The following OR1J2 variants were observed in gnomAD, a reference collection of about 807,000 sequenced individuals.
The protein encoded by OR1J2 is olfactory receptor family 1 subfamily J member 2, also known as olfactory receptor 1J2.
For synonymous variants in OR1J2, 142 were observed against 99.7 expected, an observed-to-expected ratio of 1.42 and a Z score of -2.52; for missense variants, 304 against 246.1, an observed-to-expected ratio of 1.24 and a Z score of -1.57.
chr9:122,454,516 TA>T, the OR1J2 span, among the ~76,000 whole-genome samples: 240 of 144,558 alleles, frequency 1.7e-3, no homozygotes, highest in Middle Eastern at 3.6e-3. Context: ...AGACTCGATC[TA>T]AAAAAAAAAA....
At chr9:122,546,443 G>A in the OR1J2 span, among the ~76,000 whole-genome samples, 1 of 152,150 alleles carries the variant, frequency 6.6e-6, no homozygotes, top group African/African-American at 2.4e-5. Flanking sequence ...TGGTCTCTTA[G>A]AACGTTTGCT....
chr9:122,475,352 C>G, the OR1J2 span, among the ~76,000 whole-genome samples: 17 of 152,192 alleles, frequency 1.1e-4, no homozygotes, highest in African/African-American at 4.1e-4. Context: ...TTGTCTTTAT[C>G]TCTCTCCCGC....
the OR1J2 span, chr9:122,520,049 A>T: frequency 6.2e-7 from 1 of 1,613,322 alleles, no homozygotes; most frequent in Non-Finnish European, 8.5e-7. Flanking sequence ...CCCTGGAGAG[A>T]CTCTTCAACA....
chr9:122,532,418 C>T, the OR1J2 span, among the ~76,000 whole-genome samples: 1 of 151,890 alleles, frequency 6.6e-6, no homozygotes, highest in Non-Finnish European at 1.5e-5. Context: ...GGGTGAGAAA[C>T]AGGGAAGAAG....
the OR1J2 span, among the ~76,000 whole-genome samples, chr9:122,570,592 G>T: frequency 1.3e-5 from 2 of 152,164 alleles, no homozygotes; most frequent in Admixed American, 1.3e-4. Context: ...CTTAAAAGAG[G>T]GACAAGGATA....
chr9:122,529,526 A>G, the OR1J2 span, among the ~76,000 whole-genome samples: 2 of 152,252 alleles, frequency 1.3e-5, no homozygotes, highest in Admixed American at 1.3e-4. Flanking sequence ...TCCTCAAAAA[A>G]GGGTCCAAAG....
the OR1J2 span, among the ~76,000 whole-genome samples, chr9:122,563,524 A>G: frequency 6.6e-6 from 1 of 152,198 alleles, no homozygotes; most frequent in African/African-American, 2.4e-5. Context: ...CTCTTGACAG[A>G]TGCATAGTTT....
the OR1J2 span, among the ~76,000 whole-genome samples, chr9:122,484,078 CTG>C: frequency 6.6e-6 from 1 of 152,126 alleles, no homozygotes; most frequent in Non-Finnish European, 1.5e-5. Context: ...GTGCCTTCCT[CTG>C]TTTTTCTCCA....
chr9:122,553,315 T>C, the OR1J2 span: 1 of 1,613,950 alleles, frequency 6.2e-7, no homozygotes, highest in Non-Finnish European at 8.5e-7. Context: ...GGCATCTTCC[T>C]TGGCATGTAC....
chr9:122,529,259 T>C, the OR1J2 span, among the ~76,000 whole-genome samples: 3 of 127,574 alleles, frequency 2.4e-5, no homozygotes, highest in African/African-American at 6.7e-5. Flanking sequence ...GATCCTCTTA[T>C]GATTCAGCTG....
chr9:122,527,267 T>C, the OR1J2 span: 7 of 1,610,780 alleles, frequency 4.3e-6, no homozygotes, highest in Non-Finnish European at 5.9e-6. Flanking sequence ...GGAGGAAAAA[T>C]TCAGAAATGC....
At chr9:122,513,548 T>A (rs1319822594), downstream of OR1J2, among the ~76,000 whole-genome samples, 1 of 152,116 alleles carries the variant, frequency 6.6e-6, no homozygotes, top group Non-Finnish European at 1.5e-5. Flanking sequence ...TATTTTACTT[T>A]AAGTTCTGGG....
At chr9:122,537,375 G>A in the OR1J2 span, among the ~76,000 whole-genome samples, 15 of 152,302 alleles carry the variant, frequency 9.8e-5, no homozygotes, top group East Asian at 2.3e-3. Context: ...TTCGGGCCTG[G>A]TGCCGAGCTG....
the OR1J2 span, among the ~76,000 whole-genome samples, chr9:122,570,201 G>A: frequency 6.7e-6 from 1 of 150,120 alleles, no homozygotes; most frequent in East Asian, 1.9e-4. Flanking sequence ...ACCCAGTAAT[G>A]GGATGGCTGG....
the OR1J2 span, among the ~76,000 whole-genome samples, chr9:122,523,959 G>A: frequency 6.6e-6 from 1 of 152,160 alleles, no homozygotes; most frequent in African/African-American, 2.4e-5. Context: ...CTGTATGTCA[G>A]CAGGAATTAT....
chr9:122,494,292 C>T, the OR1J2 span, among the ~76,000 whole-genome samples: 1 of 152,134 alleles, frequency 6.6e-6, no homozygotes, highest in Non-Finnish European at 1.5e-5. Context: ...TAAAGTGCCC[C>T]ACTATTGTTG....
chr9:122,483,594 A>T, the OR1J2 span, among the ~76,000 whole-genome samples: 8 of 152,268 alleles, frequency 5.3e-5, no homozygotes, highest in African/African-American at 1.7e-4. Flanking sequence ...AAAAGTATTT[A>T]AAAAGGTATT....
At chr9:122,565,639 T>C in the OR1J2 span, among the ~76,000 whole-genome samples, 2 of 152,252 alleles carry the variant, frequency 1.3e-5, no homozygotes, top group African/African-American at 4.8e-5. Context: ...AGTCTGCTTC[T>C]GTCATAGAAG....
downstream of OR1J2, among the ~76,000 whole-genome samples, chr9:122,516,610 G>T (rs1828703627): frequency 6.6e-6 from 1 of 152,012 alleles, no homozygotes; most frequent in Admixed American, 6.6e-5. Context: ...GCCCATACAT[G>T]GTCTTTACAT....
Sources: gnomAD v4.1 joint callset for allele counts (sites outside exome capture counted in the v4.1 genomes callset) on GRCh38, gnomAD v4.1.1 for gene constraint, MANE v1.5 for transcripts, NCBI Gene and HGNC (gene_info 2026-07-23, HGNC 2026-07-21) for gene names.